The following RCSD1 variants were observed in gnomAD, a reference collection of about 807,000 sequenced individuals.
RCSD1 encodes capZ-interacting protein.
Under a neutral mutation model 42.5 loss-of-function variants are expected in RCSD1, and 26 were observed. The ratio of observed to expected loss-of-function variants is 0.61; its 90% confidence interval spans 0.45 to 0.85. The LOEUF (loss-of-function observed/expected upper bound fraction) is 0.85. Among genes scored for constraint, RCSD1 ranks in the 40% least tolerant of loss-of-function variants. The pLI is 0.00. For synonymous variants in RCSD1, 220 were observed against 212.2 expected, an observed-to-expected ratio of 1.04 and a Z score of -0.32; for missense variants, 571 against 528.3, an observed-to-expected ratio of 1.08 and a Z score of -0.79.
In RCSD1 at chr1:167,696,455, C is replaced by CTT. The variant is rs113725864; in HGVS notation, c.475-631_475-630dup. ...TTATTTATAGATAATTAGACAATTT[C>CTT]TTTTTTTTTTTTTTAATGCAGGGTC... On this transcript the variant is annotated intron_variant, in intron 5 of 6. Transcript: ENST00000367854. 8.5e-5 allele frequency among the ~76,000 whole-genome samples: 12 copies of CTT among 140,882 alleles called. No homozygotes were observed. The South Asian group carries it at 1.1e-3, about 13-fold the overall frequency. The allele number at this position is 140,882 out of a possible 152,430, so 92.4% of individuals were successfully genotyped here. A position where few individuals can be genotyped will look rare whatever the true frequency, so the allele number is the denominator to read the frequency against.
chr1:167,656,014 T>C (rs1658419082), intron 1 of RCSD1, among the ~76,000 whole-genome samples: 1 of 152,256 alleles, frequency 6.6e-6, no homozygotes, highest in South Asian at 2.1e-4. Context: ...TAAATGTATC[T>C]GTTTACAATA....
At chr1:167,697,891 G>A (rs1226802329) in intron 6 of RCSD1, 49 bp downstream of exon 6, 39 of 1,440,772 alleles carry the variant, frequency 2.7e-5, no homozygotes, top group Non-Finnish European at 3.5e-5. Context: ...CAGGGCCAGT[G>A]TGTGCCTCTG....
intron 1 of RCSD1, among the ~76,000 whole-genome samples, chr1:167,669,549 G>A (rs1198408630): frequency 1.3e-5 from 2 of 152,206 alleles, no homozygotes; most frequent in Non-Finnish European, 2.9e-5. Flanking sequence ...TTTACATGGA[G>A]TACTAGGCAA....
At chr1:167,652,257 G>A (rs1256808789) in intron 1 of RCSD1, among the ~76,000 whole-genome samples, 2 of 152,094 alleles carry the variant, frequency 1.3e-5, no homozygotes, top group South Asian at 2.1e-4. Flanking sequence ...CCTGGCCTCA[G>A]GTGATCTGCC....
chr1:167,695,358 A>T (rs879316727), intron 5 of RCSD1, among the ~76,000 whole-genome samples: 3 of 152,208 alleles, frequency 2.0e-5, no homozygotes, highest in Non-Finnish European at 4.4e-5. Flanking sequence ...GCTGGTCATG[A>T]GGGCTGGGGC....
chr1:167,644,077 A>G (rs1001938636), intron 1 of RCSD1, among the ~76,000 whole-genome samples: 3 of 152,172 alleles, frequency 2.0e-5, no homozygotes, highest in African/African-American at 7.2e-5. Context: ...AATCCATACT[A>G]GAACCTGGGA....
At chr1:167,649,380 C>T (rs577137498) in intron 1 of RCSD1, among the ~76,000 whole-genome samples, 73 of 152,252 alleles carry the variant, frequency 4.8e-4, no homozygotes, top group African/African-American at 1.7e-3. Context: ...GGGGAGAGTC[C>T]AAGGGGCTAG....
At position 167,630,325 on chromosome 1, in the gene RCSD1, C is replaced by T; in HGVS notation, c.-99C>T. ...CACTCGCCCTGTGCCCGCCGCAGCC[C>T]GAAACTGGCCACGGCCGGGAGCGGA... is the stretch of plus-strand genomic sequence containing the variant. On this transcript the variant is annotated 5_prime_UTR_variant, in exon 1 of 7. Transcript: ENST00000367854. The T allele has an allele frequency of 3.2e-6, 4 of 1,269,462 alleles. No individual in the cohort carries two copies. The highest frequency in any genetic ancestry group is 4.0e-6 in the Non-Finnish European group (4 of 990,736). 78.6% of individuals were successfully genotyped at this position (1,269,462 alleles called of 1,614,324 possible).
chr1:167,642,361 T>G (rs945099684), intron 1 of RCSD1, among the ~76,000 whole-genome samples: 3 of 152,236 alleles, frequency 2.0e-5, no homozygotes, highest in Non-Finnish European at 4.4e-5. Context: ...TTCGCTTGAG[T>G]CTTACACGGC....
chr1:167,703,713 A>G (rs1258809858), intron 6 of RCSD1, among the ~76,000 whole-genome samples: 4 of 152,096 alleles, frequency 2.6e-5, no homozygotes, highest in Admixed American at 6.5e-5. Context: ...CCTAACCTTC[A>G]CTGTCTCCAT....
intron 1 of RCSD1, chr1:167,633,800 G>A (rs1657760948): frequency 6.6e-6 from 1 of 152,228 alleles, no homozygotes; most frequent in Non-Finnish European, 1.5e-5. Flanking sequence ...GTGAGCAAGG[G>A]AACCAGGTGA....
At chr1:167,638,921 TA>T (rs1283872537) in intron 1 of RCSD1, among the ~76,000 whole-genome samples, 1 of 152,146 alleles carries the variant, frequency 6.6e-6, no homozygotes, top group Non-Finnish European at 1.5e-5. Context: ...AGTCAAGAGT[TA>T]AAACCAAGGT....
At chr1:167,653,411 G>C (rs573861711) in intron 1 of RCSD1, among the ~76,000 whole-genome samples, 5 of 152,178 alleles carry the variant, frequency 3.3e-5, no homozygotes, top group South Asian at 2.1e-4. Context: ...TAGAGTCCTG[G>C]GGGGAGAGTT....
chr1:167,668,829 A>G (rs941686870), intron 1 of RCSD1, among the ~76,000 whole-genome samples: 1 of 151,810 alleles, frequency 6.6e-6, no homozygotes, highest in Non-Finnish European at 1.5e-5. Flanking sequence ...GGTTTTCTGG[A>G]AGTGCCCAGG....
At position 167,630,371 on chromosome 1, in the gene RCSD1, G is replaced by A. The variant is rs78295578; in HGVS notation, c.-53G>A. 1.0e-4 allele frequency: 154 copies of A among 1,482,402 alleles called. 1 individual carries two copies. The East Asian group carries it at 4.0e-3, about 39-fold the overall frequency. 91.8% of individuals were successfully genotyped at this position (1,482,402 alleles called of 1,614,324 possible). A position where few individuals can be genotyped will look rare whatever the true frequency, so the allele number is the denominator to read the frequency against. ...GCGGAGGGGACAGCGGGGATCGTGA[G>A]CTCCGGCCCGGGCGAGCGGGTGCGT... On this transcript the variant is annotated 5_prime_UTR_variant, in exon 1 of 7. Transcript: ENST00000367854.
Position 167,703,615 on chromosome 1 carries a change from G to A in RCSD1, c.1219-1049G>A, listed in dbSNP as rs115790454. ...ATGCCTCTTCCTATAAATACCATAG[G>A]TTGTCTGCTCTCCTATCCCAAACCC... On this transcript the variant is annotated intron_variant, in intron 6 of 6. Coordinates refer to ENST00000367854, the MANE Select transcript of RCSD1 (RefSeq NM_052862.4). 1.9e-3 allele frequency among the ~76,000 whole-genome samples: 290 copies of A among 152,160 alleles called. 2 individuals are homozygous for A. Among genetic ancestry groups the A allele is most frequent in the Middle Eastern group, 6.8e-3 (2 of 294 alleles).
At chr1:167,636,032 C>T (rs940085264) in intron 1 of RCSD1, among the ~76,000 whole-genome samples, 1 of 152,214 alleles carries the variant, frequency 6.6e-6, no homozygotes, top group Non-Finnish European at 1.5e-5. Context: ...ATCACCAGAG[C>T]CAGACCCGAA....
rs1398051036 is a variant in RCSD1 at position 167,632,305 on chromosome 1, TC to T, written c.6+1877del. ...ACTATGATGTATGGCCTGTCTAACC[TC>T]TTGAAGAAAAGGATTGGAGATAAGA... On this transcript the variant is annotated intron_variant, in intron 1 of 6. Transcript: ENST00000367854. Among the ~76,000 whole-genome samples the T allele has an allele frequency of 3.9e-5, 6 of 152,256 alleles. No individual in the cohort carries two copies. In the East Asian group the frequency reaches 1.2e-3, roughly 29 times the overall value.
chr1:167,701,106 C>A (rs547892345), intron 6 of RCSD1, among the ~76,000 whole-genome samples: 3 of 152,202 alleles, frequency 2.0e-5, no homozygotes, highest in African/African-American at 7.2e-5. Context: ...TGCCCAGCAA[C>A]CTCAAGAGCA....
Sources: gnomAD v4.1 joint callset for allele counts (sites outside exome capture counted in the v4.1 genomes callset) on GRCh38, gnomAD v4.1.1 for gene constraint, MANE v1.5 for transcripts, NCBI Gene and HGNC (gene_info 2026-07-23, HGNC 2026-07-21) for gene names.